ACOX2: variants seen among roughly 807,000 people sequenced by gnomAD.
ACOX2 encodes the protein acyl-CoA oxidase 2.
In ACOX2, 59 loss-of-function variants were observed where a neutral mutation model predicts 77.5. The observed-to-expected ratio is 0.76, with a 90% CI of 0.62 to 0.95. ACOX2 has a LOEUF of 0.95. ACOX2 is among the 40% of genes least tolerant of loss of function. The pLI is 0.00. For missense variants in ACOX2, 837 were observed against 880.4 expected (o/e 0.95, Z 0.62); for synonymous variants, 317 against 340.1 (o/e 0.93, Z 0.75).
chr3:58,527,547 AAAAG>A (rs1464953168), intron 9 of ACOX2, among the ~76,000 whole-genome samples: 21 of 151,658 alleles, frequency 1.4e-4, no homozygotes, highest in Non-Finnish European at 2.7e-4. Flanking sequence ...AAAAAAAAAA[AAAAG>A]AAAGAAAGAG....
At chr3:58,527,672 T>G (rs1042458663) in intron 9 of ACOX2, among the ~76,000 whole-genome samples, 3 of 152,054 alleles carry the variant, frequency 2.0e-5, no homozygotes, top group Non-Finnish European at 2.9e-5. Flanking sequence ...TCCAGAACTG[T>G]GAGCAATAAA....
intron 5 of ACOX2, among the ~76,000 whole-genome samples, chr3:58,532,974 G>C (rs1036491075): frequency 6.6e-6 from 1 of 152,120 alleles, no homozygotes; most frequent in African/African-American, 2.4e-5. Context: ...TGGCCTGATG[G>C]GGGCTGGTGA....
rs1002253705 is a variant in ACOX2, at chr3:58,526,783, G to A, written c.1156-127C>T. The A allele has an allele frequency of 9.8e-6, 10 of 1,025,600 alleles. No individual in the cohort carries two copies. The highest frequency in any genetic ancestry group is 1.1e-5 in the Non-Finnish European group (8 of 715,724). The allele number at this position is 1,025,600 out of a possible 1,614,324, so 63.5% of individuals were successfully genotyped here. On this transcript the variant is annotated intron_variant, in intron 9 of 14. Transcript: ENST00000302819. The surrounding 1 kb of genome is among the most constrained non-coding windows in gnomAD (Gnocchi z 4.3). Reference sequence around the variant, plus strand: ...CTCTGAGGTAAGAAGTGTTTCCTCTGCTCACAACTTTATGAATGAGAAGGC... The same window carrying A: ...CTCTGAGGTAAGAAGTGTTTCCTCTACTCACAACTTTATGAATGAGAAGGC...
rs557860227 is a variant in ACOX2, at chr3:58,515,984, T to G, written c.1850+1222A>C. Among the ~76,000 whole-genome samples, 164 of 88,386 alleles carry G rather than the reference T, an allele frequency of 1.9e-3. No homozygotes were observed. Among genetic ancestry groups the G allele is most frequent in the African/African-American group, 6.5e-3 (152 of 23,484 alleles). 58.0% of individuals were successfully genotyped at this position (88,386 alleles called of 152,430 possible). A position where few individuals can be genotyped will look rare whatever the true frequency, so the allele number is the denominator to read the frequency against. On this transcript the variant is annotated intron_variant, in intron 13 of 14. Coordinates refer to ENST00000302819, the MANE Select transcript of ACOX2 (RefSeq NM_003500.4). The surrounding 1 kb of genome is among the most constrained non-coding windows in gnomAD (Gnocchi z 4.0). Reference sequence around the variant, plus strand: ...GCCATGTTGCCCAGGCTTTTTTTTTTCTTTATTGTTTTTATTTCTATTTTT... The same window carrying G: ...GCCATGTTGCCCAGGCTTTTTTTTTGCTTTATTGTTTTTATTTCTATTTTT...
chr3:58,532,804 C>T (rs2063450567), intron 5 of ACOX2, among the ~76,000 whole-genome samples: 1 of 152,220 alleles, frequency 6.6e-6, no homozygotes, highest in Admixed American at 6.5e-5. Flanking sequence ...TTTTTCCACA[C>T]AAGGTGTGGG....
In ACOX2 at chr3:58,531,717, G is replaced by C. The variant is rs745958241; in HGVS notation, c.679C>G (p.Leu227Val). The C allele has an allele frequency of 4.3e-6, 7 of 1,614,176 alleles. No homozygotes were observed. The highest frequency in any genetic ancestry group is 5.9e-6 in the Non-Finnish European group (7 of 1,180,030). The change falls in exon 6 of 15, where the codon CTT becomes GTT. Residue 227 changes from leucine to valine, a missense_variant. Physicochemically the swap from Leu to Val is conservative, Grantham distance 32 (BLOSUM62 1). Coordinates refer to ENST00000302819, the MANE Select transcript of ACOX2 (RefSeq NM_003500.4). The surrounding 1 kb of genome is among the most constrained non-coding windows in gnomAD (Gnocchi z 5.8). ...MHAFIVPIRSLQDHTPLPGII... is the reference protein window; with the variant it reads ...MHAFIVPIRSVQDHTPLPGII... ...CCTGGCAGTGGGGTGTGGTCCTGAAGACTCCGGATTGGCACAATAAAAGCG... is the reference window on the plus strand; with the variant it reads ...CCTGGCAGTGGGGTGTGGTCCTGAACACTCCGGATTGGCACAATAAAAGCG...
intron 14 of ACOX2, among the ~76,000 whole-genome samples, chr3:58,507,526 G>C (rs1188640770): frequency 6.6e-6 from 1 of 152,208 alleles, no homozygotes; most frequent in African/African-American, 2.4e-5. Context: ...CAGTATAACA[G>C]GTTTGGGCTA....
Position 58,524,536 on chromosome 3 carries a change from T to C in ACOX2, c.1416A>G (p.Pro472=), listed in dbSNP as rs952994026. 1.2e-6 allele frequency: 2 copies of C among 1,613,960 alleles called. No homozygotes were observed. The highest frequency in any genetic ancestry group is 1.7e-6 in the Non-Finnish European group (2 of 1,179,994). The change falls in exon 11 of 15, where the codon CCA becomes CCG. Residue 472 remains proline (P), a synonymous_variant. Coordinates refer to ENST00000302819, the MANE Select transcript of ACOX2 (RefSeq NM_003500.4). The surrounding 1 kb of genome is among the most constrained non-coding windows in gnomAD (Gnocchi z 5.5). ...CAGGTGCGGTGAGATATGCGACAGA[T>C]GGAGAGAGAGATCTCTGTGGCGTGG... ...PGSTPQRSLS[P]SVAYLTAPDL...
chr3:58,531,305 C>T lies in ACOX2; in HGVS notation c.765G>A (p.Leu255=). The T allele has an allele frequency of 1.2e-6, 2 of 1,613,806 alleles. No homozygotes were observed. Among genetic ancestry groups the T allele is most frequent in the Non-Finnish European group, 1.7e-6 (2 of 1,180,042 alleles). The change falls in exon 7 of 15, where the codon CTG becomes CTA. Residue 255 remains leucine, a synonymous_variant. Coordinates refer to ENST00000302819, the MANE Select transcript of ACOX2 (RefSeq NM_003500.4). This position sits in a 1 kb window ranked among gnomAD's most constrained non-coding sequence, Gnocchi z 5.8. ...TGGGGACCCGCACATGGTTCAGCTG[C>T]AGGAAGCCATTGTCTGTTTGATCAA... ...MDFDQTDNGF[L]QLNHVRVPRE... is the part of the protein sequence containing the mutation.
chr3:58,509,278 G>A (rs1015805438), intron 13 of ACOX2, among the ~76,000 whole-genome samples: 5 of 151,978 alleles, frequency 3.3e-5, no homozygotes, highest in African/African-American at 9.7e-5. Flanking sequence ...CTGTAATCCC[G>A]GCACTTTGGG....
intron 14 of ACOX2, among the ~76,000 whole-genome samples, chr3:58,506,804 A>G (rs919984751): frequency 2.2e-4 from 33 of 152,200 alleles, no homozygotes; most frequent in African/African-American, 7.7e-4. Flanking sequence ...AAATAATAAT[A>G]AATAAAAATA....
chr3:58,531,655 T>C lies in ACOX2; in HGVS notation c.703+38A>G. Reference sequence around the variant, plus strand: ...GTCAGGGAGGCCACCTGGGCTCTCCTCCTGGCAGGGTTCCTTGAGGGAGCA... The same window carrying C: ...GTCAGGGAGGCCACCTGGGCTCTCCCCCTGGCAGGGTTCCTTGAGGGAGCA... On this transcript the variant is annotated intron_variant, in intron 6 of 14. Coordinates refer to ENST00000302819, the MANE Select transcript of ACOX2 (RefSeq NM_003500.4). The surrounding 1 kb of genome is among the most constrained non-coding windows in gnomAD (Gnocchi z 5.8). 3 of 1,606,362 alleles carry C rather than the reference T, an allele frequency of 1.9e-6. No individual in the cohort carries two copies. Among genetic ancestry groups the C allele is most frequent in the Non-Finnish European group, 2.6e-6 (3 of 1,175,784 alleles).
Position 58,512,366 on chromosome 3 carries a change from C to T in ACOX2, c.1851-3341G>A, listed in dbSNP as rs1479444865. Among the ~76,000 whole-genome samples the T allele has an allele frequency of 6.6e-6, 1 of 152,228 alleles. No individual in the cohort carries two copies. Among genetic ancestry groups the T allele is most frequent in the African/African-American group, 2.4e-5 (1 of 41,450 alleles). Reference sequence around the variant, plus strand: ...CTATCATCACTCACTTGGATGATTGCATTAGCGATCCAGCTGATCTCCCTG... The same window carrying T: ...CTATCATCACTCACTTGGATGATTGTATTAGCGATCCAGCTGATCTCCCTG... On this transcript the variant is annotated intron_variant, in intron 13 of 14. Coordinates refer to ENST00000302819, the MANE Select transcript of ACOX2 (RefSeq NM_003500.4). This position sits in a 1 kb window ranked among gnomAD's most constrained non-coding sequence, Gnocchi z 4.8.
At chr3:58,510,942 A>G (rs1354318333) in intron 13 of ACOX2, 1 of 455,748 alleles carries the variant, frequency 2.2e-6, no homozygotes, top group Non-Finnish European at 4.4e-6. Context: ...CTCATTGTTC[A>G]TTTACTGTTT....
In ACOX2 at chr3:58,528,682, G is replaced by T; in HGVS notation, c.1155+112C>A. 7.5e-7 allele frequency: 1 copy of T among 1,337,586 alleles called. No individual in the cohort carries two copies. Among genetic ancestry groups the T allele is most frequent in the Non-Finnish European group, 9.9e-7 (1 of 1,012,886 alleles). 82.9% of individuals were successfully genotyped at this position (1,337,586 alleles called of 1,614,324 possible). On this transcript the variant is annotated intron_variant, in intron 9 of 14. Coordinates refer to ENST00000302819, the MANE Select transcript of ACOX2 (RefSeq NM_003500.4). The surrounding 1 kb of genome is among the most constrained non-coding windows in gnomAD (Gnocchi z 5.6). Reference sequence around the variant, plus strand: ...CCCTGGGATGCTGAAAGCTGGGAGAGGTGGGGGTGGGGAGTGCCCATGGGG... The same window carrying T: ...CCCTGGGATGCTGAAAGCTGGGAGATGTGGGGGTGGGGAGTGCCCATGGGG...
Position 58,521,915 on chromosome 3 carries a change from T to G in ACOX2, c.1632+581A>C, listed in dbSNP as rs188981187. Among the ~76,000 whole-genome samples, 13 of 152,360 alleles carry G rather than the reference T, an allele frequency of 8.5e-5. No homozygotes were observed. In the East Asian group the frequency reaches 9.6e-4, roughly 11 times the overall value. ...CACCCCACCCTTTAGCTGGCTAATT[T>G]CAGCTTATCCTTGAAGTCTTAGCTG... On this transcript the variant is annotated intron_variant, in intron 12 of 14. Transcript: ENST00000302819. This position sits in a 1 kb window ranked among gnomAD's most constrained non-coding sequence, Gnocchi z 4.8.
intron 13 of ACOX2, among the ~76,000 whole-genome samples, chr3:58,513,636 T>C (rs762303078): frequency 2.2e-4 from 34 of 152,132 alleles, no homozygotes; most frequent in Non-Finnish European, 4.0e-4. Context: ...TATCACTGTT[T>C]TTTTTTTTTA....
chr3:58,536,472 C>T (rs1226910056), intron 1 of ACOX2, among the ~76,000 whole-genome samples: 1 of 152,200 alleles, frequency 6.6e-6, no homozygotes, highest in Non-Finnish European at 1.5e-5. Flanking sequence ...CCACATGTAG[C>T]AAATGATTCA....
rs955510028 is a variant in ACOX2, at chr3:58,505,384, T to C, written c.1984-98A>G. On this transcript the variant is annotated intron_variant, in intron 14 of 14. Transcript: ENST00000302819. The surrounding 1 kb of genome is among the most constrained non-coding windows in gnomAD (Gnocchi z 4.4). ...AAGTCTCTAGCTTCAAAAAGTAACATTACGTAAGATTCTTAATTTTAAAAA... is the reference window on the plus strand; with the variant it reads ...AAGTCTCTAGCTTCAAAAAGTAACACTACGTAAGATTCTTAATTTTAAAAA... 1.8e-5 allele frequency: 17 copies of C among 929,434 alleles called. No individual in the cohort carries two copies. The highest frequency in any genetic ancestry group is 2.2e-5 in the Non-Finnish European group (14 of 626,234). 57.6% of individuals were successfully genotyped at this position (929,434 alleles called of 1,614,324 possible). A position where few individuals can be genotyped will look rare whatever the true frequency, so the allele number is the denominator to read the frequency against.
Sources: gnomAD v4.1 joint callset for allele counts (sites outside exome capture counted in the v4.1 genomes callset) on GRCh38, gnomAD v4.1.1 for gene constraint, Gnocchi (gnomAD v3.1) non-coding constraint, MANE v1.5 for transcripts, NCBI Gene and HGNC (gene_info 2026-07-23, HGNC 2026-07-21) for gene names.